Variants in LRFN2 observed in about 807,000 individuals in gnomAD.
LRFN2 encodes the protein leucine rich repeat and fibronectin type III domain containing 2.
Under a neutral mutation model 37.3 loss-of-function variants are expected in LRFN2, and 18 were observed. The observed-to-expected ratio is 0.48, with a 90% CI of 0.33 to 0.72. LRFN2 has a LOEUF of 0.72. Among genes scored for constraint, LRFN2 ranks in the 30% least tolerant of loss-of-function variants. LRFN2 has a pLI of 0.02. For synonymous variants in LRFN2, 556 were observed against 466.6 expected (o/e 1.19, Z -2.47); for missense variants, 1,006 against 1,060.7 (o/e 0.95, Z 0.72).
intron 1 of LRFN2, among the ~76,000 whole-genome samples, chr6:40,586,360 C>T (rs1444968714): frequency 1.3e-5 from 2 of 152,236 alleles, no homozygotes; most frequent in East Asian, 1.9e-4. Flanking sequence ...ACACACAATC[C>T]CCCTGATCTG....
At chr6:40,481,551 G>A (rs9394699) in intron 1 of LRFN2, among the ~76,000 whole-genome samples, 27,703 of 152,048 alleles carry the variant, frequency 0.18, 4,645 homozygotes, top group African/African-American at 0.44. Context: ...TCGGGGATCA[G>A]AATCAGTTTG....
intron 1 of LRFN2, among the ~76,000 whole-genome samples, chr6:40,562,282 C>T (rs765484044): frequency 1.3e-4 from 19 of 151,964 alleles, no homozygotes; most frequent in African/African-American, 2.9e-4. Context: ...ACCATGACTA[C>T]GCAATGAACT....
intron 1 of LRFN2, among the ~76,000 whole-genome samples, chr6:40,440,650 G>T (rs1265550466): frequency 6.6e-6 from 1 of 152,162 alleles, no homozygotes; most frequent in Non-Finnish European, 1.5e-5. Flanking sequence ...CCAGAGAACA[G>T]TCCCCAACCA....
At chr6:40,431,622 G>C in intron 2 of LRFN2, 92 bp downstream of exon 2, 1 of 1,113,626 alleles carries the variant, frequency 9.0e-7, no homozygotes, top group Non-Finnish European at 1.2e-6. Flanking sequence ...GGGGAAGAGG[G>C]GTATAGGTGG....
intron 1 of LRFN2, among the ~76,000 whole-genome samples, chr6:40,444,100 A>T (rs1381049678): frequency 1.3e-5 from 2 of 152,228 alleles, no homozygotes; most frequent in Non-Finnish European, 2.9e-5. Flanking sequence ...TTGCCCGCAC[A>T]GGTCAGCCTA....
chr6:40,584,836 G>A (rs1280853983), intron 1 of LRFN2, among the ~76,000 whole-genome samples: 1 of 151,406 alleles, frequency 6.6e-6, no homozygotes, highest in African/African-American at 2.4e-5. Flanking sequence ...TTCCTTTGGA[G>A]CTGAAGCAAA....
At chr6:40,395,320 G>A (rs1480739963) in intron 2 of LRFN2, among the ~76,000 whole-genome samples, 3 of 152,196 alleles carry the variant, frequency 2.0e-5, no homozygotes, top group African/African-American at 7.2e-5. Context: ...CCACGGTCTG[G>A]GCTTGTTCCT....
chr6:40,550,210 C>T (rs376285), intron 1 of LRFN2, among the ~76,000 whole-genome samples: 4 of 151,822 alleles, frequency 2.6e-5, no homozygotes, highest in South Asian at 4.2e-4. Flanking sequence ...ATATGGAGGC[C>T]GAAGCTATGA....
chr6:40,432,440 GC>G lies in LRFN2; in HGVS notation c.673del (p.Ala225LeufsTer2). The G allele has an allele frequency of 6.2e-7, 1 of 1,614,200 alleles. No individual in the cohort carries two copies. The highest frequency in any genetic ancestry group is 8.5e-7 in the Non-Finnish European group (1 of 1,180,046). ...DPIFARSQASALTATPFAPPL... is the reference protein window; with the variant it reads ...DPIFARSQASXLTATPFAPPL... ...TGGGGCAAAGGGTGTGGCTGTCAAA[GC>G]CGAAGCCTGGGAGCGGGCAAAGATG... On this transcript the variant is annotated frameshift_variant, in exon 2 of 3. Transcript: ENST00000338305. LOFTEE classifies it high-confidence loss of function.
intron 1 of LRFN2, among the ~76,000 whole-genome samples, chr6:40,505,787 C>T (rs75182732): frequency 0.014 from 2,098 of 152,340 alleles, 46 homozygotes; most frequent in African/African-American, 0.046. Flanking sequence ...TAAGATCATG[C>T]CTCCTGGCAG....
chr6:40,450,656 C>T (rs77057160), intron 1 of LRFN2, among the ~76,000 whole-genome samples: 4,582 of 152,296 alleles, frequency 0.03, 239 homozygotes, highest in African/African-American at 0.1. Flanking sequence ...TGAGGACACT[C>T]ATTTATTCTC....
chr6:40,423,175 A>T (rs1425975079), intron 2 of LRFN2, among the ~76,000 whole-genome samples: 25 of 152,206 alleles, frequency 1.6e-4, no homozygotes, highest in Non-Finnish European at 5.9e-5. Flanking sequence ...ACCATCAGGG[A>T]TTCACTCCTT....
At position 40,432,969 on chromosome 6, in the gene LRFN2, CA is replaced by C; in HGVS notation, c.144del (p.Asp49IlefsTer27). On this transcript the variant is annotated frameshift_variant, in exon 2 of 3. Transcript: ENST00000338305. LOFTEE classifies it high-confidence loss of function. ...CPSKGLLFVP[P>X]DIDRRTVELR... ...AGCTCCACTGTCCGCCGGTCAATAT[CA>C]GGGGGTACAAAGAGCAGCCCCTTGG... 3 of 1,613,214 alleles carry C rather than the reference CA, an allele frequency of 1.9e-6. No homozygotes were observed. The highest frequency in any genetic ancestry group is 2.5e-6 in the Non-Finnish European group (3 of 1,179,446).
chr6:40,519,793 T>C (rs923708146), intron 1 of LRFN2, among the ~76,000 whole-genome samples: 3 of 152,026 alleles, frequency 2.0e-5, no homozygotes, highest in Admixed American at 2.0e-4. Context: ...GGTGAGTCTA[T>C]AGGGCAGGAA....
At chr6:40,528,098 G>A (rs541800025) in intron 1 of LRFN2, among the ~76,000 whole-genome samples, 18 of 152,274 alleles carry the variant, frequency 1.2e-4, no homozygotes, top group South Asian at 8.3e-4. Flanking sequence ...GGTTTCTTCC[G>A]CCAGAGTTTA....
At chr6:40,483,903 C>T (rs974545567) in intron 1 of LRFN2, among the ~76,000 whole-genome samples, 6 of 152,200 alleles carry the variant, frequency 3.9e-5, no homozygotes, top group Admixed American at 1.3e-4. Flanking sequence ...GTCTCCTGCC[C>T]ACCACATCAT....
intron 2 of LRFN2, among the ~76,000 whole-genome samples, chr6:40,420,567 C>A (rs970983850): frequency 6.6e-6 from 1 of 152,266 alleles, no homozygotes; most frequent in Non-Finnish European, 1.5e-5. Context: ...AGCAGCGATG[C>A]TTTCGCCCAT....
chr6:40,581,480 C>T (rs1397005551), intron 1 of LRFN2, among the ~76,000 whole-genome samples: 1 of 152,182 alleles, frequency 6.6e-6, no homozygotes, highest in African/African-American at 2.4e-5. Context: ...GCCATCAGTG[C>T]CTTGTGCTAT....
At chr6:40,559,181 A>G (rs1386121455) in intron 1 of LRFN2, among the ~76,000 whole-genome samples, 7 of 152,098 alleles carry the variant, frequency 4.6e-5, no homozygotes, top group African/African-American at 1.4e-4. Flanking sequence ...TGTCAAGTGC[A>G]GAGAGGGAGA....
Sources: gnomAD v4.1 joint callset for allele counts (sites outside exome capture counted in the v4.1 genomes callset) on GRCh38, gnomAD v4.1.1 for gene constraint, MANE v1.5 for transcripts, NCBI Gene and HGNC (gene_info 2026-07-23, HGNC 2026-07-21) for gene names.